Variants in BACE1 observed in about 807,000 individuals in gnomAD.
BACE1 encodes beta-secretase 1.
In BACE1, 21 loss-of-function variants were observed where a neutral mutation model predicts 54.0. The ratio of observed to expected loss-of-function variants is 0.39; its 90% confidence interval spans 0.28 to 0.56. BACE1 has a LOEUF of 0.56. Among genes scored for constraint, BACE1 ranks in the 20% least tolerant of loss-of-function variants. The pLI, the probability that BACE1 is intolerant of heterozygous loss-of-function variation, is 0.63. For missense variants in BACE1, 511 were observed against 661.2 expected (o/e 0.77, Z 2.49); for synonymous variants, 232 against 260.9 (o/e 0.89, Z 1.07).
chr11:117,308,147 AC>A (rs1194412912), intron 1 of BACE1, among the ~76,000 whole-genome samples: 1 of 151,832 alleles, frequency 6.6e-6, no homozygotes, highest in Non-Finnish European at 1.5e-5. Context: ...CCTTTACAGA[AC>A]CCTGCCAAGC....
chr11:117,311,096 T>C (rs890499720), intron 1 of BACE1, among the ~76,000 whole-genome samples: 2 of 151,970 alleles, frequency 1.3e-5, no homozygotes, highest in Non-Finnish European at 2.9e-5. Flanking sequence ...CAGGAATTGC[T>C]GTAAGGGAAA....
At chr11:117,290,876 C>T in intron 7 of BACE1, 24 bp downstream of exon 7, 4 of 1,610,280 alleles carry the variant, frequency 2.5e-6, no homozygotes, top group Non-Finnish European at 3.4e-6. Context: ...AAGAGAGATC[C>T]CCCTGACTCA....
At chr11:117,307,980 TA>T (rs1376255702) in intron 1 of BACE1, among the ~76,000 whole-genome samples, 11 of 147,226 alleles carry the variant, frequency 7.5e-5, no homozygotes, top group Non-Finnish European at 1.5e-4. Context: ...TTTAAAAAAA[TA>T]TAACCCAGAA....
intron 6 of BACE1, 145 bp downstream of exon 6, chr11:117,291,567 C>T (rs1448700349): frequency 1.1e-4 from 65 of 586,720 alleles, no homozygotes; most frequent in Non-Finnish European, 1.4e-4. Context: ...TGAGCCACCA[C>T]GCCTGGCTAG....
intron 1 of BACE1, among the ~76,000 whole-genome samples, chr11:117,312,365 T>C (rs1180641714): frequency 6.6e-6 from 1 of 152,232 alleles, no homozygotes; most frequent in Non-Finnish European, 1.5e-5. Context: ...AAGACCATGC[T>C]CAGAGCACAT....
chr11:117,294,119 A>G lies in BACE1; in HGVS notation c.568-111T>C, dbSNP rs2034532848. 4 of 1,295,034 alleles carry G rather than the reference A, an allele frequency of 3.1e-6. No individual in the cohort carries two copies. The South Asian group carries it at 6.0e-5, about 19-fold the overall frequency. The allele number at this position is 1,295,034 out of a possible 1,614,324, so 80.2% of individuals were successfully genotyped here. On this transcript the variant is annotated intron_variant, in intron 3 of 8. Transcript: ENST00000313005. ...GAAGGCTTGGGGGATGCTCCTTGGG[A>G]AAGACCATCTTAAGGCACTGAGATT...
chr11:117,294,154 A>G (rs1325208650), intron 3 of BACE1, 146 bp from the exon 4 acceptor site: 13 of 844,800 alleles, frequency 1.5e-5, no homozygotes, highest in Non-Finnish European at 2.0e-5. Flanking sequence ...TTGGCAGAGG[A>G]AGGGTTAGCA....
At chr11:117,292,913 G>T in intron 5 of BACE1, 141 bp downstream of exon 5, 1 of 1,000,348 alleles carries the variant, frequency 1.0e-6, no homozygotes, top group Non-Finnish European at 1.5e-6. Context: ...TTAAGCCCCT[G>T]ACTGTTCTAG....
At chr11:117,312,944 C>T (rs940456494) in intron 1 of BACE1, among the ~76,000 whole-genome samples, 1 of 152,224 alleles carries the variant, frequency 6.6e-6, no homozygotes, top group Non-Finnish European at 1.5e-5. Context: ...CGCCCTTTCA[C>T]TTCCACTGTA....
At chr11:117,294,954 A>T (rs529874246) in intron 3 of BACE1, among the ~76,000 whole-genome samples, 177 bp downstream of exon 3, 1 of 152,216 alleles carries the variant, frequency 6.6e-6, no homozygotes, top group East Asian at 1.9e-4. Context: ...AGCTTCTGTC[A>T]CTATGGTTCT....
rs759382149 is a variant in BACE1 at position 117,295,448 on chromosome 11, A to C, written c.351-101T>G. 1.8e-5 allele frequency: 28 copies of C among 1,542,348 alleles called. No homozygotes were observed. In the Middle Eastern group the frequency reaches 8.3e-4, roughly 46 times the overall value. ...ACACCACCTTATCTCATCTCAGGGG[A>C]ATCCTAGAGTCTGCTTTCAGGCTGC... On this transcript the variant is annotated intron_variant, in intron 2 of 8. Coordinates refer to ENST00000313005, the MANE Select transcript of BACE1 (RefSeq NM_012104.6).
intron 1 of BACE1, among the ~76,000 whole-genome samples, chr11:117,299,394 A>G (rs2034672058): frequency 6.6e-6 from 1 of 151,960 alleles, no homozygotes; most frequent in Admixed American, 6.6e-5. Context: ...CCTTGAGCAG[A>G]TCACTGTGCT....
rs1267029277 is a variant in BACE1 at position 117,296,919 on chromosome 11, C to T, written c.304G>A (p.Gly102Ser). The T allele has an allele frequency of 1.2e-6, 2 of 1,613,808 alleles. No individual in the cohort carries two copies. The highest frequency in any genetic ancestry group is 1.7e-6 in the Non-Finnish European group (2 of 1,179,888). ...VDTGSSNFAV[G>S]AAPHPFLHRY... The stretch of plus-strand genomic sequence containing the variant: ...TGCAGGAAGGGGTGGGGGGCAGCAC[C>T]CACTGCAAAGTTACTGCTGCCTGTA... Residue 102 changes from glycine to serine, a missense_variant, in exon 2 of 9, where the codon GGT becomes AGT. This residue lies in a region of BACE1 where 407 missense variants were observed against 565.7 expected (regional missense o/e 0.72). Coordinates refer to ENST00000313005, the MANE Select transcript of BACE1 (RefSeq NM_012104.6).
At chr11:117,299,477 G>GGCTGTGCTGACTGTGCCCA (rs1262280768) in intron 1 of BACE1, among the ~76,000 whole-genome samples, 1 of 151,974 alleles carries the variant, frequency 6.6e-6, no homozygotes, top group Non-Finnish European at 1.5e-5. Context: ...GTGCCTCTGT[G>GGCTGTGCTGACTGTGCCCA]GCTGTGCTGA....
At chr11:117,307,614 T>C (rs1232909136) in intron 1 of BACE1, among the ~76,000 whole-genome samples, 3 of 152,248 alleles carry the variant, frequency 2.0e-5, no homozygotes, top group African/African-American at 7.2e-5. Context: ...GCCTGGCCTC[T>C]TTCTGGATTT....
rs1418243172 is a variant in BACE1 at position 117,295,317 on chromosome 11, A to T, written c.381T>A (p.Gly127=). The T allele has an allele frequency of 6.2e-7, 1 of 1,613,936 alleles. No homozygotes were observed. Among genetic ancestry groups the T allele is most frequent in the East Asian group, 2.2e-5 (1 of 44,884 alleles). Residue 127 remains glycine, a synonymous_variant, in exon 3 of 9, where the codon GGT becomes GGA. Transcript: ENST00000313005. ...LSSTYRDLRK[G]VYVPYTQGKW... ...TGCCCTGGGTGTAGGGCACATACAC[A>T]CCCTTCCGGAGGTCCCGGTATGTGC...
chr11:117,294,900 C>G (rs561428544), intron 3 of BACE1, among the ~76,000 whole-genome samples: 3 of 152,056 alleles, frequency 2.0e-5, no homozygotes, highest in African/African-American at 7.2e-5. Flanking sequence ...AAAAAAAGAT[C>G]TTAAGAGTAC....
chr11:117,306,137 G>C (rs1371860065), intron 1 of BACE1, among the ~76,000 whole-genome samples: 1 of 152,202 alleles, frequency 6.6e-6, no homozygotes, highest in East Asian at 1.9e-4. Flanking sequence ...GAAAAAGACA[G>C]AGGTGTTCTG....
At chr11:117,308,242 G>A (rs1565366137) in intron 1 of BACE1, among the ~76,000 whole-genome samples, 1 of 152,148 alleles carries the variant, frequency 6.6e-6, no homozygotes, top group Non-Finnish European at 1.5e-5. Context: ...CTACTGCTCT[G>A]ATCATTTTCT....
Sources: allele counts gnomAD v4.1 joint callset (sites outside exome capture counted in the v4.1 genomes callset), GRCh38; gene constraint gnomAD v4.1.1; regional missense constraint gnomAD v4.1.1; transcripts MANE v1.5; gene names NCBI Gene and HGNC (gene_info 2026-07-23, HGNC 2026-07-21).